PCSK5: variants seen among roughly 807,000 people sequenced by gnomAD.
The protein encoded by PCSK5 is proprotein convertase subtilisin/kexin type 5, also known as prohormone convertase 5.
A neutral mutation model predicts 233.2 loss-of-function variants in PCSK5; 129 were observed. That is an observed-to-expected ratio of 0.55 (90% CI 0.48 to 0.64). The LOEUF (loss-of-function observed/expected upper bound fraction) is 0.64, where lower values mean the gene tolerates loss of function less well. PCSK5 is among the 30% of genes least tolerant of loss of function. The probability of loss-of-function intolerance (pLI) is 0.00; values close to 1 mark genes in which losing one functional copy is unlikely to be tolerated. For missense variants in PCSK5, 2,076 were observed against 2,430.1 expected, an observed-to-expected ratio of 0.85 and a Z score of 3.06; for synonymous variants, 825 against 879.2, an observed-to-expected ratio of 0.94 and a Z score of 1.09.
At chr9:76,303,081 G>C (rs1477601086) in intron 28 of PCSK5, among the ~76,000 whole-genome samples, 1 of 147,048 alleles carries the variant, frequency 6.8e-6, no homozygotes. Context: ...AATCTTTTAT[G>C]ATAAAGAACT....
At chr9:76,342,391 T>TC (rs918873212) in intron 35 of PCSK5, among the ~76,000 whole-genome samples, 18 of 151,936 alleles carry the variant, frequency 1.2e-4, no homozygotes, top group South Asian at 4.2e-4. Context: ...TCTTTTTTTT[T>TC]CCCCTTCCAA....
chr9:76,032,793 A>G (rs142795452), intron 5 of PCSK5, among the ~76,000 whole-genome samples: 1 of 152,270 alleles, frequency 6.6e-6, no homozygotes, highest in African/African-American at 2.4e-5. Flanking sequence ...TTGATGTCTG[A>G]GTTATATCAG....
intron 33 of PCSK5, among the ~76,000 whole-genome samples, chr9:76,330,400 G>C (rs768802506): frequency 7.2e-5 from 11 of 152,126 alleles, no homozygotes; most frequent in Non-Finnish European, 1.6e-4. Context: ...GGAAGTATGA[G>C]CACTTTTCTC....
At chr9:76,225,254 T>G (rs1564119680) in intron 20 of PCSK5, among the ~76,000 whole-genome samples, 1 of 152,206 alleles carries the variant, frequency 6.6e-6, no homozygotes, top group Non-Finnish European at 1.5e-5. Context: ...TAGGGTCTTT[T>G]TAATTTGTAT....
At chr9:76,082,749 G>T (rs562105806) in intron 7 of PCSK5, among the ~76,000 whole-genome samples, 2 of 151,656 alleles carry the variant, frequency 1.3e-5, no homozygotes, top group African/African-American at 4.8e-5. Context: ...TGTTGCAATC[G>T]ATATTCATCA....
chr9:76,275,683 C>G, intron 24 of PCSK5, among the ~76,000 whole-genome samples: 1 of 152,176 alleles, frequency 6.6e-6, no homozygotes, highest in East Asian at 1.9e-4. Flanking sequence ...CCTCGGCCTC[C>G]CAAAATGTTG....
chr9:75,956,740 T>C (rs563530409), intron 2 of PCSK5, among the ~76,000 whole-genome samples: 2 of 152,208 alleles, frequency 1.3e-5, no homozygotes, highest in South Asian at 2.1e-4. Flanking sequence ...TTGGACAAGA[T>C]TGCAAAATAG....
At chr9:76,071,451 G>T (rs1480190310) in intron 6 of PCSK5, among the ~76,000 whole-genome samples, 1 of 152,166 alleles carries the variant, frequency 6.6e-6, no homozygotes, top group Non-Finnish European at 1.5e-5. Context: ...GGGATGAGAA[G>T]GGAGAGACTG....
chr9:75,943,824 A>G (rs1398568517), intron 2 of PCSK5, among the ~76,000 whole-genome samples: 1 of 152,228 alleles, frequency 6.6e-6, no homozygotes, highest in East Asian at 1.9e-4. Flanking sequence ...TGCCATTAAA[A>G]TAATGTCATA....
intron 32 of PCSK5, among the ~76,000 whole-genome samples, chr9:76,325,116 G>A (rs1829322443): frequency 6.6e-6 from 1 of 152,102 alleles, no homozygotes; most frequent in African/African-American, 2.4e-5. Flanking sequence ...AAAAGGCGTG[G>A]ATGTCAAGGC....
At chr9:76,193,294 T>G in intron 20 of PCSK5, 1 of 1,612,828 alleles carries the variant, frequency 6.2e-7, no homozygotes, top group Non-Finnish European at 8.5e-7. Flanking sequence ...AAGAACAATC[T>G]GTGCCAACGG....
intron 35 of PCSK5, among the ~76,000 whole-genome samples, chr9:76,343,333 T>TTGTG (rs57513234): frequency 0.042 from 5,662 of 133,514 alleles, 157 homozygotes; most frequent in African/African-American, 0.083. Context: ...CCTGGGTAAT[T>TTGTG]TGTGTGTGTG....
intron 24 of PCSK5, among the ~76,000 whole-genome samples, chr9:76,280,936 A>G (rs1184742463): frequency 6.6e-6 from 1 of 152,124 alleles, no homozygotes; most frequent in African/African-American, 2.4e-5. Flanking sequence ...ATCAAACCAC[A>G]ACATTTCCTT....
intron 20 of PCSK5, among the ~76,000 whole-genome samples, chr9:76,212,498 G>C (rs1825368727): frequency 2.6e-5 from 4 of 152,220 alleles, no homozygotes; most frequent in African/African-American, 9.6e-5. Flanking sequence ...AGTACTGCCT[G>C]TGGCATGTGG....
intron 24 of PCSK5, among the ~76,000 whole-genome samples, chr9:76,286,241 A>G (rs1828060693): frequency 6.6e-6 from 1 of 152,222 alleles, no homozygotes; most frequent in African/African-American, 2.4e-5. Context: ...ACAGAAATGA[A>G]GAAGACAGGC....
intron 22 of PCSK5, 69 bp from the exon 23 acceptor site, chr9:76,238,890 T>C (rs1436203482): frequency 3.6e-6 from 4 of 1,124,384 alleles, no homozygotes; most frequent in Non-Finnish European, 5.2e-6. Context: ...TATAATATCT[T>C]ACATTATAAT....
chr9:75,996,155 A>C (rs1269073430), intron 3 of PCSK5, among the ~76,000 whole-genome samples: 1 of 152,142 alleles, frequency 6.6e-6, no homozygotes, highest in Non-Finnish European at 1.5e-5. Context: ...GAAAAAGCAA[A>C]CTCGTATCTC....
In PCSK5 at chr9:76,356,175, C is replaced by A. The variant is rs114100716; in HGVS notation, c.5254+1956C>A. 9.4e-3 allele frequency among the ~76,000 whole-genome samples: 1,437 copies of A among 152,310 alleles called. 26 individuals carry two copies. The highest frequency in any genetic ancestry group is 0.033 in the African/African-American group (1,369 of 41,576). Reference sequence around the variant, plus strand: ...TGTCAGCTAAGAATAATAACTCTCACAACATTAATGCCTTTAAATGAAACC... The same window carrying A: ...TGTCAGCTAAGAATAATAACTCTCAAAACATTAATGCCTTTAAATGAAACC... On this transcript the variant is annotated intron_variant, in intron 37 of 37. Transcript: ENST00000674117.
At chr9:75,908,927 CTATCTCTCTCTCTGTCTATCTA>C (rs1564074877) in intron 1 of PCSK5, among the ~76,000 whole-genome samples, 30 of 104,370 alleles carry the variant, frequency 2.9e-4, no homozygotes, top group South Asian at 1.7e-3. Flanking sequence ...ATCTATCTCT[CTATCTCTCTCTCTGTCTATCTA>C]TCTATCTATC....
Sources: allele counts gnomAD v4.1 joint callset (sites outside exome capture counted in the v4.1 genomes callset), GRCh38; gene constraint gnomAD v4.1.1; transcripts MANE v1.5; gene names NCBI Gene and HGNC (gene_info 2026-07-23, HGNC 2026-07-21).